The following IVNS1ABP variants were observed in gnomAD, a reference collection of about 807,000 sequenced individuals.
The protein encoded by IVNS1ABP is influenza virus NS1A binding protein, also known as influenza virus NS1A-binding protein.
IVNS1ABP carries 25 observed loss-of-function variants against 78.9 expected under a neutral mutation model. That is an observed-to-expected ratio of 0.32 (90% CI 0.23 to 0.44). The LOEUF (loss-of-function observed/expected upper bound fraction) is 0.44. IVNS1ABP is among the 20% of genes least tolerant of loss of function. The probability of loss-of-function intolerance (pLI) is 1.00; values close to 1 mark genes in which losing one functional copy is unlikely to be tolerated. For missense variants in IVNS1ABP, 494 were observed against 768.9 expected (o/e 0.64, Z 4.23); for synonymous variants, 241 against 259.7 (o/e 0.93, Z 0.69).
chr1:185,300,668 T>G, intron 10 of IVNS1ABP, 110 bp from the exon 11 acceptor site: 1 of 1,127,542 alleles, frequency 8.9e-7, no homozygotes, highest in Non-Finnish European at 1.3e-6. Flanking sequence ...GTATTAAAAC[T>G]TTTTAAGGAT....
At chr1:185,299,596 G>A in intron 14 of IVNS1ABP, 114 bp downstream of exon 14, 1 of 941,168 alleles carries the variant, frequency 1.1e-6, no homozygotes, top group Non-Finnish European at 1.7e-6. Context: ...CAAAAGAGAT[G>A]ACTGCTTCTG....
chr1:185,313,745 T>C (rs1665945498), intron 1 of IVNS1ABP, among the ~76,000 whole-genome samples: 1 of 152,186 alleles, frequency 6.6e-6, no homozygotes, highest in South Asian at 2.1e-4. Context: ...AACGTAGAAT[T>C]GTTTGGTGTT....
rs144316576 is a variant in IVNS1ABP, at chr1:185,310,477, G to T, written c.-19+618C>A. Among the ~76,000 whole-genome samples the T allele has an allele frequency of 2.6e-5, 4 of 152,148 alleles. No individual in the cohort carries two copies. In the East Asian group the frequency reaches 5.8e-4, roughly 22 times the overall value. On this transcript the variant is annotated intron_variant, in intron 2 of 14. Transcript: ENST00000367498. ...ACAAAATTTAGCCAGGCATGGTGGC[G>T]GGCGCCTGTAATCCCAGCTACTTGT...
intron 8 of IVNS1ABP, among the ~76,000 whole-genome samples, chr1:185,303,179 A>G (rs1178666623): frequency 6.6e-6 from 1 of 152,134 alleles, no homozygotes; most frequent in Non-Finnish European, 1.5e-5. Context: ...AAACTGTTCT[A>G]ATGTACAAAC....
chr1:185,309,299 T>A, intron 3 of IVNS1ABP, 84 bp downstream of exon 3: 1 of 1,218,686 alleles, frequency 8.2e-7, no homozygotes, highest in Non-Finnish European at 1.2e-6. Context: ...ATTAAATGCC[T>A]ATGAAAAAGA....
In IVNS1ABP at chr1:185,298,942, CAG is replaced by C. The variant is rs1215581924; in HGVS notation, c.1676-656_1676-655del. On this transcript the variant is annotated intron_variant, in intron 14 of 14. Transcript: ENST00000367498. The surrounding 1 kb of genome is among the most constrained non-coding windows in gnomAD (Gnocchi z 4.1). ...GTGGTACAGAAATTTCTTCTGGAAACAGAGTTATGATTATTTTCAAATAGATA... is the reference window on the plus strand; with the variant it reads ...GTGGTACAGAAATTTCTTCTGGAAACAGTTATGATTATTTTCAAATAGATA... 5 of 152,110 alleles carry C rather than the reference CAG, an allele frequency of 3.3e-5. No individual in the cohort carries two copies. Among genetic ancestry groups the C allele is most frequent in the South Asian group, 2.1e-4 (1 of 4,828 alleles). The allele number at this position is 152,110 out of a possible 1,614,324, so 9.4% of individuals were successfully genotyped here.
At position 185,305,529 on chromosome 1, in the gene IVNS1ABP, T is replaced by C. The variant is rs1366768273; in HGVS notation, c.765+7A>G. The C allele has an allele frequency of 3.7e-6, 6 of 1,612,946 alleles. No individual in the cohort carries two copies. The highest frequency in any genetic ancestry group is 2.2e-5 in the East Asian group (1 of 44,878). ...CCTGAGGTTACCTCAGACTGTGCAA[T>C]GTGTACCTGCACAAACTGAATGTGG... On this transcript the variant is annotated splice_region_variant and intron_variant, in intron 8 of 14. Coordinates refer to ENST00000367498, the MANE Select transcript of IVNS1ABP (RefSeq NM_006469.5). The surrounding 1 kb of genome is among the most constrained non-coding windows in gnomAD (Gnocchi z 4.0).
intron 5 of IVNS1ABP, chr1:185,308,138 G>A: frequency 7.8e-7 from 1 of 1,279,012 alleles, no homozygotes. Flanking sequence ...AATTAAGGAA[G>A]GATTTTTGAA....
Position 185,300,080 on chromosome 1 carries a change from A to G in IVNS1ABP, c.1420T>C (p.Tyr474His). 6.2e-7 allele frequency: 1 copy of G among 1,613,490 alleles called. No homozygotes were observed. Among genetic ancestry groups the G allele is most frequent in the Non-Finnish European group, 8.5e-7 (1 of 1,179,666 alleles). The stretch of plus-strand genomic sequence containing the variant: ...CAATTTTTCAGTCCTTTTTGACCAT[A>G]TGGATCAGAGCCACCAACGATGTAT... ...KLYIVGGSDP[Y>H]GQKGLKNCDV... Residue 474 changes from tyrosine (Y) to histidine (H), a missense_variant, in exon 13 of 15, where the codon TAT becomes CAT. Coordinates refer to ENST00000367498, the MANE Select transcript of IVNS1ABP (RefSeq NM_006469.5).
rs1254465604 is a variant in IVNS1ABP at position 185,300,362 on chromosome 1, A to G, written c.1243-19T>C. The G allele has an allele frequency of 9.3e-6, 15 of 1,613,318 alleles. No homozygotes were observed. The highest frequency in any genetic ancestry group is 1.3e-5 in the Non-Finnish European group (15 of 1,179,660). On this transcript the variant is annotated intron_variant, in intron 11 of 14. Coordinates refer to ENST00000367498, the MANE Select transcript of IVNS1ABP (RefSeq NM_006469.5). ...GCTGGCCCTATGCCAAAAGTGAGAGATGAGAATTTCTAACATCCTGAAGTT... is the reference window on the plus strand; with the variant it reads ...GCTGGCCCTATGCCAAAAGTGAGAGGTGAGAATTTCTAACATCCTGAAGTT...
intron 1 of IVNS1ABP, among the ~76,000 whole-genome samples, chr1:185,313,939 C>T (rs180836881): frequency 2.2e-4 from 33 of 152,154 alleles, no homozygotes; most frequent in East Asian, 1.5e-3. Flanking sequence ...GTTCACAGCC[C>T]GGAAAGATTA....
At chr1:185,301,948 C>G (rs1026735347) in intron 8 of IVNS1ABP, among the ~76,000 whole-genome samples, 1 of 151,950 alleles carries the variant, frequency 6.6e-6, no homozygotes, top group Non-Finnish European at 1.5e-5. Context: ...ACATTTAACC[C>G]ACTATTTTCA....
chr1:185,296,967 T>A lies in IVNS1ABP; in HGVS notation c.*1068A>T, dbSNP rs1665435279. 7.2e-5 allele frequency: 11 copies of A among 152,118 alleles called. No individual in the cohort carries two copies. Among genetic ancestry groups the A allele is most frequent in the Admixed American group, 7.2e-4 (11 of 15,250 alleles). The allele number at this position is 152,118 out of a possible 1,614,324, so 9.4% of individuals were successfully genotyped here. ...AGCAGCAAGCATTAGGACATGCTAT[T>A]TTGGCCCCATAAGTTAGGTGTGTAG... On this transcript the variant is annotated 3_prime_UTR_variant, in exon 15 of 15. Transcript: ENST00000367498.
intron 1 of IVNS1ABP, among the ~76,000 whole-genome samples, chr1:185,315,514 C>T (rs930167727): frequency 1.3e-5 from 2 of 152,190 alleles, no homozygotes; most frequent in Admixed American, 6.5e-5. Context: ...TGGTCAGTGG[C>T]TCAAGTTCCG....
chr1:185,298,015 T>C lies in IVNS1ABP; in HGVS notation c.*20A>G. On this transcript the variant is annotated 3_prime_UTR_variant, in exon 15 of 15. Coordinates refer to ENST00000367498, the MANE Select transcript of IVNS1ABP (RefSeq NM_006469.5). The surrounding 1 kb of genome is among the most constrained non-coding windows in gnomAD (Gnocchi z 4.1). ...TAATTACATCACTAAGCCTGTTAGT[T>C]TGAGAGGGTCTTAAATTTGTTAAAA... 1 of 1,610,242 alleles carries C rather than the reference T, an allele frequency of 6.2e-7. No individual in the cohort carries two copies. The highest frequency in any genetic ancestry group is 8.5e-7 in the Non-Finnish European group (1 of 1,177,684).
Position 185,313,417 on chromosome 1 carries a change from TTTAAG to T in IVNS1ABP, c.-246-2100_-246-2096del, listed in dbSNP as rs1360161820. Among the ~76,000 whole-genome samples, 5 of 152,310 alleles carry T rather than the reference TTTAAG, an allele frequency of 3.3e-5. No individual in the cohort carries two copies. The East Asian group carries it at 7.7e-4, about 23-fold the overall frequency. On this transcript the variant is annotated intron_variant, in intron 1 of 14. Transcript: ENST00000367498. The stretch of plus-strand genomic sequence containing the variant: ...AAAGCCAGCCCAAATCTAGATGACA[TTTAAG>T]TTAATGCAAACTTACTTTATTCAAT...
At chr1:185,301,349 G>C in intron 9 of IVNS1ABP, 85 bp downstream of exon 9, 2 of 1,512,270 alleles carry the variant, frequency 1.3e-6, no homozygotes, top group Non-Finnish European at 1.8e-6. Flanking sequence ...TCCTCGAGTA[G>C]TCAATTTAAG....
chr1:185,317,200 A>T lies in IVNS1ABP; in HGVS notation c.-494T>A. On this transcript the variant is annotated 5_prime_UTR_variant, in exon 1 of 15. Transcript: ENST00000367498. ...AGCAGCAGGCGGAGAAACTGCGCCCAGCAGCTCTGAGCGACCGACCTCCAC... is the reference window on the plus strand; with the variant it reads ...AGCAGCAGGCGGAGAAACTGCGCCCTGCAGCTCTGAGCGACCGACCTCCAC... 1 of 397,314 alleles carries T rather than the reference A, an allele frequency of 2.5e-6. No homozygotes were observed. Among genetic ancestry groups the T allele is most frequent in the Middle Eastern group, 6.3e-4 (1 of 1,584 alleles). The allele number at this position is 397,314 out of a possible 1,614,324, so 24.6% of individuals were successfully genotyped here.
intron 2 of IVNS1ABP, among the ~76,000 whole-genome samples, chr1:185,309,958 T>C (rs905650841): frequency 6.6e-6 from 1 of 152,196 alleles, no homozygotes; most frequent in African/African-American, 2.4e-5. Flanking sequence ...CTTATCCTAA[T>C]CCTAGCCTTT....
Sources: allele counts gnomAD v4.1 joint callset (sites outside exome capture counted in the v4.1 genomes callset), GRCh38; gene constraint gnomAD v4.1.1; non-coding constraint Gnocchi (gnomAD v3.1); transcripts MANE v1.5; gene names NCBI Gene and HGNC (gene_info 2026-07-23, HGNC 2026-07-21).